Variants in CHST11 observed in about 807,000 individuals in gnomAD.
The protein encoded by CHST11 is carbohydrate sulfotransferase 11.
In CHST11, 9 loss-of-function variants were observed where a neutral mutation model predicts 30.4. The ratio of observed to expected loss-of-function variants is 0.30; its 90% CI spans 0.18 to 0.52. The LOEUF is 0.52. CHST11 is among the 20% of genes least tolerant of loss of function. CHST11 has a pLI of 0.97. For missense variants in CHST11, 348 were observed against 460.6 expected, an observed-to-expected ratio of 0.76 and a Z score of 2.24; for synonymous variants, 152 against 187.8, an observed-to-expected ratio of 0.81 and a Z score of 1.56.
At chr12:104,643,405 G>T (rs1024645861) in intron 2 of CHST11, among the ~76,000 whole-genome samples, 1 of 152,216 alleles carries the variant, frequency 6.6e-6, no homozygotes, top group Non-Finnish European at 1.5e-5. Context: ...GGAAGCAGAA[G>T]TTTGGAGGGT....
In CHST11 at chr12:104,458,465, C is replaced by T. The variant is rs1228192477; in HGVS notation, c.118+936C>T. ...GGACTGGGGGAGGGACGAGGCTCGTCGCTTCCTAGGGGTGCGAGGGAAAGT... is the reference window on the plus strand; with the variant it reads ...GGACTGGGGGAGGGACGAGGCTCGTTGCTTCCTAGGGGTGCGAGGGAAAGT... On this transcript the variant is annotated intron_variant, in intron 1 of 2. Coordinates refer to ENST00000303694, the MANE Select transcript of CHST11 (RefSeq NM_018413.6). The surrounding 1 kb of genome is among the most constrained non-coding windows in gnomAD (Gnocchi z 5.7). Among the ~76,000 whole-genome samples the T allele has an allele frequency of 6.6e-6, 1 of 152,140 alleles. No homozygotes were observed. The highest frequency in any genetic ancestry group is 1.5e-5 in the Non-Finnish European group (1 of 68,016).
chr12:104,507,705 A>G (rs2037919943), intron 1 of CHST11, among the ~76,000 whole-genome samples: 1 of 152,092 alleles, frequency 6.6e-6, no homozygotes, highest in Admixed American at 6.5e-5. Context: ...GACTGAGATG[A>G]TTTGTCTCAG....
intron 1 of CHST11, among the ~76,000 whole-genome samples, chr12:104,521,507 A>G (rs76047653): frequency 0.024 from 3,643 of 152,256 alleles, 144 homozygotes; most frequent in East Asian, 0.17. Flanking sequence ...CCCAAAGTGA[A>G]ATGACTTGCC....
chr12:104,462,119 A>G (rs929718694), intron 1 of CHST11, among the ~76,000 whole-genome samples: 8 of 144,464 alleles, frequency 5.5e-5, no homozygotes, highest in African/African-American at 1.8e-4. Flanking sequence ...GTGAGCTGAG[A>G]TTGTGCCATT....
At chr12:104,465,173 TTCC>T (rs1479458396) in intron 1 of CHST11, among the ~76,000 whole-genome samples, 1 of 152,202 alleles carries the variant, frequency 6.6e-6, no homozygotes, top group African/African-American at 2.4e-5. Context: ...AAAAATGGCA[TTCC>T]TCCAAGATGC....
At chr12:104,561,443 A>G (rs2038512880) in intron 1 of CHST11, among the ~76,000 whole-genome samples, 1 of 152,180 alleles carries the variant, frequency 6.6e-6, no homozygotes, top group African/African-American at 2.4e-5. Context: ...TTCTTGTTCA[A>G]AGGGGTTTTT....
At chr12:104,633,576 G>A (rs192739071) in intron 2 of CHST11, among the ~76,000 whole-genome samples, 2 of 151,584 alleles carry the variant, frequency 1.3e-5, no homozygotes, top group Admixed American at 6.6e-5. Flanking sequence ...CACCACACTC[G>A]GCTCATTTTT....
chr12:104,607,863 C>T (rs2039022140), intron 2 of CHST11, among the ~76,000 whole-genome samples: 1 of 152,186 alleles, frequency 6.6e-6, no homozygotes, highest in South Asian at 2.1e-4. Flanking sequence ...TGGCGTGCAT[C>T]TTATAACCTA....
At chr12:104,738,149 C>T (rs905146290) in intron 2 of CHST11, among the ~76,000 whole-genome samples, 3 of 152,276 alleles carry the variant, frequency 2.0e-5, no homozygotes, top group South Asian at 2.1e-4. Flanking sequence ...TCAGGGGGTG[C>T]TGCAGCCTTC....
intron 2 of CHST11, among the ~76,000 whole-genome samples, chr12:104,605,851 T>A (rs1415433381): frequency 6.6e-6 from 1 of 152,140 alleles, no homozygotes; most frequent in African/African-American, 2.4e-5. Context: ...TAATTTCCCC[T>A]AAATGCCAGC....
chr12:104,574,075 G>C (rs2038657956), intron 1 of CHST11, among the ~76,000 whole-genome samples: 1 of 152,182 alleles, frequency 6.6e-6, no homozygotes, highest in Non-Finnish European at 1.5e-5. Context: ...CTTCTCAAAA[G>C]AAGACATTTA....
At chr12:104,634,488 C>T (rs736751) in intron 2 of CHST11, among the ~76,000 whole-genome samples, 87,130 of 151,974 alleles carry the variant, frequency 0.57, 25,417 homozygotes, top group Non-Finnish European at 0.63. Context: ...CTCCAGGGCC[C>T]GCAGGATGCT....
At chr12:104,570,559 G>A (rs1286630848) in intron 1 of CHST11, among the ~76,000 whole-genome samples, 1 of 152,132 alleles carries the variant, frequency 6.6e-6, no homozygotes, top group Non-Finnish European at 1.5e-5. Context: ...AATGTGCCAG[G>A]CATTTAGTAT....
intron 1 of CHST11, among the ~76,000 whole-genome samples, chr12:104,501,503 C>T (rs1401846568): frequency 6.6e-6 from 1 of 152,194 alleles, no homozygotes; most frequent in Non-Finnish European, 1.5e-5. Flanking sequence ...TGTTCAAATC[C>T]TGGTCCAGTC....
chr12:104,543,608 A>G (rs77981875), intron 1 of CHST11, among the ~76,000 whole-genome samples: 5,875 of 152,082 alleles, frequency 0.039, 395 homozygotes, highest in African/African-American at 0.14. Context: ...GTCCAGGAGT[A>G]TAAGTTGAGG....
intron 1 of CHST11, among the ~76,000 whole-genome samples, chr12:104,562,099 G>A (rs1364284965): frequency 6.6e-6 from 1 of 152,028 alleles, no homozygotes; most frequent in African/African-American, 2.4e-5. Flanking sequence ...GCTGGGCCTC[G>A]TTTCCAGAAA....
At chr12:104,512,214 G>T (rs1047846169) in intron 1 of CHST11, among the ~76,000 whole-genome samples, 1 of 152,140 alleles carries the variant, frequency 6.6e-6, no homozygotes, top group African/African-American at 2.4e-5. Flanking sequence ...AACATCCAGG[G>T]TAGAAAGAAA....
chr12:104,624,509 G>T (rs1329125003), intron 2 of CHST11, among the ~76,000 whole-genome samples: 1 of 131,944 alleles, frequency 7.6e-6, no homozygotes, highest in Non-Finnish European at 1.6e-5. Flanking sequence ...ATTTGTGCTT[G>T]CCATATCAAA....
Position 104,757,530 on chromosome 12 carries a change from C to T in CHST11, c.786C>T (p.Val262=). 1 of 1,614,150 alleles carries T rather than the reference C, an allele frequency of 6.2e-7. No homozygotes were observed. The highest frequency in any genetic ancestry group is 8.5e-7 in the Non-Finnish European group (1 of 1,180,026). ...CTTTCAACGAACACTGGCAAACCGT[C>T]TACTCACTCTGCCATCCCTGCCACA... ...EEPFNEHWQT[V]YSLCHPCHIH... is the part of the protein sequence containing the mutation. Residue 262 remains valine, a synonymous_variant, in exon 3 of 3, where the codon GTC becomes GTT. Transcript: ENST00000303694. The surrounding 1 kb of genome is among the most constrained non-coding windows in gnomAD (Gnocchi z 6.5).
Sources: gnomAD v4.1 joint callset for allele counts (sites outside exome capture counted in the v4.1 genomes callset) on GRCh38, gnomAD v4.1.1 for gene constraint, Gnocchi (gnomAD v3.1) non-coding constraint, MANE v1.5 for transcripts, NCBI Gene and HGNC (gene_info 2026-07-23, HGNC 2026-07-21) for gene names.